Variants in ASTN2 observed in about 807,000 individuals in gnomAD.
ASTN2 encodes astrotactin 2.
A neutral mutation model predicts 139.8 loss-of-function variants in ASTN2; 54 were observed. That is an observed-to-expected ratio of 0.39 (90% CI 0.31 to 0.48). The LOEUF is 0.48. Among genes scored for constraint, ASTN2 ranks in the 20% least tolerant of loss-of-function variants. The pLI is 0.95. For synonymous variants in ASTN2, 756 were observed against 719.5 expected (o/e 1.05, Z -0.81); for missense variants, 1,565 against 1,725.1 (o/e 0.91, Z 1.64).
intron 13 of ASTN2, among the ~76,000 whole-genome samples, chr9:116,783,653 A>C (rs1364488631): frequency 6.6e-6 from 1 of 152,168 alleles, no homozygotes; most frequent in Admixed American, 6.5e-5. Flanking sequence ...ATAGCAGCAG[A>C]GGTTGAATTC....
chr9:116,986,930 T>G (rs541690962), intron 7 of ASTN2, among the ~76,000 whole-genome samples: 1 of 152,314 alleles, frequency 6.6e-6, no homozygotes, highest in Non-Finnish European at 1.5e-5. Flanking sequence ...GCTGGATCAG[T>G]GGGGAATACT....
At chr9:116,641,332 G>A (rs803927) in intron 17 of ASTN2, among the ~76,000 whole-genome samples, 147,488 of 152,276 alleles carry the variant, frequency 0.97, 71,460 homozygotes, top group East Asian at 1. Flanking sequence ...TAGTAGAGAG[G>A]AAAGTGAGAA....
At chr9:117,374,908 C>T (rs1830082230) in intron 1 of ASTN2, among the ~76,000 whole-genome samples, 1 of 152,142 alleles carries the variant, frequency 6.6e-6, no homozygotes, top group Non-Finnish European at 1.5e-5. Context: ...AATTGAAGAC[C>T]CATCATTTCA....
At chr9:117,080,445 A>G (rs1186904858) in intron 5 of ASTN2, among the ~76,000 whole-genome samples, 1 of 152,196 alleles carries the variant, frequency 6.6e-6, no homozygotes, top group African/African-American at 2.4e-5. Flanking sequence ...GCACTTCAAG[A>G]AAAATGTACA....
chr9:116,551,940 T>C (rs1852367488), intron 19 of ASTN2, among the ~76,000 whole-genome samples: 2 of 152,214 alleles, frequency 1.3e-5, no homozygotes, highest in African/African-American at 2.4e-5. Context: ...CTAGCCAAAT[T>C]TGTAGCTCTA....
intron 13 of ASTN2, among the ~76,000 whole-genome samples, chr9:116,795,553 C>T (rs114451739): frequency 9.2e-5 from 14 of 152,292 alleles, no homozygotes; most frequent in Non-Finnish European, 1.8e-4. Context: ...TTCCCATGAC[C>T]CTCACCCCCA....
chr9:116,683,582 A>G (rs1182502315), intron 16 of ASTN2, among the ~76,000 whole-genome samples: 1 of 152,194 alleles, frequency 6.6e-6, no homozygotes, highest in Non-Finnish European at 1.5e-5. Context: ...AGAGGAAAAA[A>G]TGAAACTTCT....
intron 19 of ASTN2, among the ~76,000 whole-genome samples, chr9:116,588,875 C>T (rs1489137892): frequency 6.6e-6 from 1 of 152,134 alleles, no homozygotes; most frequent in Non-Finnish European, 1.5e-5. Flanking sequence ...GGTTATCCCT[C>T]TGGGATCTAA....
At chr9:117,044,948 G>T (rs1293243101) in intron 5 of ASTN2, among the ~76,000 whole-genome samples, 1 of 152,010 alleles carries the variant, frequency 6.6e-6, no homozygotes, top group Non-Finnish European at 1.5e-5. Context: ...CTTGTGTAAG[G>T]ATCACCCAAT....
At chr9:117,127,166 G>C (rs771122505) in intron 4 of ASTN2, among the ~76,000 whole-genome samples, 8 of 152,180 alleles carry the variant, frequency 5.3e-5, no homozygotes, top group Non-Finnish European at 1.2e-4. Flanking sequence ...GTAGTTATTG[G>C]TATAATTACC....
At chr9:116,883,300 C>T (rs1428949183) in intron 10 of ASTN2, among the ~76,000 whole-genome samples, 1 of 152,126 alleles carries the variant, frequency 6.6e-6, no homozygotes. Flanking sequence ...GATATAAACA[C>T]ATGAATGCAC....
At chr9:116,484,518 T>A (rs1030107042) in intron 20 of ASTN2, among the ~76,000 whole-genome samples, 1 of 151,726 alleles carries the variant, frequency 6.6e-6, no homozygotes, top group Non-Finnish European at 1.5e-5. Flanking sequence ...AAAATGAGAA[T>A]CCCCAAGAAC....
chr9:117,060,529 GGAAGGAAA>G (rs1271650167), intron 5 of ASTN2, among the ~76,000 whole-genome samples: 9 of 125,496 alleles, frequency 7.2e-5, no homozygotes, highest in African/African-American at 1.9e-4. Context: ...AAGGAAGGAA[GGAAGGAAA>G]GAAAGAAAGA....
intron 4 of ASTN2, among the ~76,000 whole-genome samples, chr9:117,103,262 A>G (rs1222379482): frequency 6.6e-6 from 1 of 152,192 alleles, no homozygotes; most frequent in Non-Finnish European, 1.5e-5. Flanking sequence ...GTAGGAAAGC[A>G]TTTTAGATAT....
At chr9:116,756,576 G>C (rs745755218) in intron 13 of ASTN2, among the ~76,000 whole-genome samples, 25 of 151,862 alleles carry the variant, frequency 1.6e-4, no homozygotes, top group Non-Finnish European at 2.6e-4. Context: ...CCATGGCTTG[G>C]GGCTTAGCTC....
intron 13 of ASTN2, among the ~76,000 whole-genome samples, chr9:116,771,869 G>A (rs575275815): frequency 1.3e-5 from 2 of 152,160 alleles, no homozygotes; most frequent in Non-Finnish European, 2.9e-5. Context: ...GCAGCCAGGA[G>A]TGTAGGCAGG....
At chr9:117,173,749 G>A (rs552087155) in intron 3 of ASTN2, among the ~76,000 whole-genome samples, 1 of 151,834 alleles carries the variant, frequency 6.6e-6, no homozygotes, top group East Asian at 1.9e-4. Flanking sequence ...TGCAAATATT[G>A]TTAAAAAGAA....
intron 3 of ASTN2, among the ~76,000 whole-genome samples, chr9:117,206,418 A>C (rs545680164): frequency 6.6e-6 from 1 of 152,282 alleles, no homozygotes; most frequent in South Asian, 2.1e-4. Flanking sequence ...CAGTTTAAAG[A>C]GCCACCAAGA....
At chr9:116,595,110 T>C (rs1854513111) in intron 19 of ASTN2, among the ~76,000 whole-genome samples, 1 of 152,194 alleles carries the variant, frequency 6.6e-6, no homozygotes, top group African/African-American at 2.4e-5. Flanking sequence ...ATGCCCCCTC[T>C]AAACCTGAGT....
Sources: gnomAD v4.1 joint callset for allele counts (sites outside exome capture counted in the v4.1 genomes callset) on GRCh38, gnomAD v4.1.1 for gene constraint, MANE v1.5 for transcripts, NCBI Gene and HGNC (gene_info 2026-07-23, HGNC 2026-07-21) for gene names.